SMOC2: variants seen among roughly 807,000 people sequenced by gnomAD.
SMOC2 encodes SPARC-related modular calcium-binding protein 2.
In SMOC2, 39 loss-of-function variants were observed where a neutral mutation model predicts 61.4. The ratio of observed to expected loss-of-function variants is 0.64; its 90% CI spans 0.49 to 0.83. The LOEUF (loss-of-function observed/expected upper bound fraction) is 0.83. Among genes scored for constraint, SMOC2 ranks in the 40% least tolerant of loss-of-function variants. The pLI, the probability that SMOC2 is intolerant of heterozygous loss-of-function variation, is 0.00. For synonymous variants in SMOC2, 247 were observed against 239.9 expected (o/e 1.03, Z -0.27); for missense variants, 556 against 592.9 (o/e 0.94, Z 0.65).
chr6:168,496,192 C>T (rs1327920277), intron 1 of SMOC2, among the ~76,000 whole-genome samples: 4 of 152,124 alleles, frequency 2.6e-5, no homozygotes, highest in African/African-American at 4.8e-5. Flanking sequence ...GGAAGCTTTT[C>T]GGTACTCATC....
At chr6:168,537,693 C>T (rs945859618) in intron 4 of SMOC2, among the ~76,000 whole-genome samples, 3 of 152,088 alleles carry the variant, frequency 2.0e-5, no homozygotes, top group East Asian at 1.9e-4. Flanking sequence ...GCCCTGGGGC[C>T]GAGAGACATA....
intron 1 of SMOC2, among the ~76,000 whole-genome samples, chr6:168,473,147 C>G (rs1326051683): frequency 6.6e-6 from 1 of 152,188 alleles, no homozygotes; most frequent in Non-Finnish European, 1.5e-5. Flanking sequence ...TGCCCCAGGG[C>G]AGAATTCCAG....
intron 1 of SMOC2, among the ~76,000 whole-genome samples, chr6:168,498,081 C>T (rs1164856679): frequency 6.6e-6 from 1 of 152,210 alleles, no homozygotes; most frequent in African/African-American, 2.4e-5. Context: ...GGAGCTGCCT[C>T]TCGGACATAT....
At position 168,490,094 on chromosome 6, in the gene SMOC2, G is replaced by A. The variant is rs185860982; in HGVS notation, c.85-19821G>A. 7.0e-3 allele frequency among the ~76,000 whole-genome samples: 1,042 copies of A among 149,076 alleles called. 20 individuals carry two copies. The highest frequency in any genetic ancestry group is 0.024 in the African/African-American group (982 of 40,120). On this transcript the variant is annotated intron_variant, in intron 1 of 12. Transcript: ENST00000356284. ...GTTTTAGAATGAAATATATCAAATC[G>A]TCTGGGTCCCCTTGGATCACAGTTT...
intron 9 of SMOC2, among the ~76,000 whole-genome samples, chr6:168,636,854 C>CCCTCCTCCCGCCTT (rs1312130203): frequency 5.8e-5 from 7 of 121,408 alleles, no homozygotes; most frequent in Non-Finnish European, 1.0e-4. Flanking sequence ...CCTCCTGCCT[C>CCCTCCTCCCGCCTT]CCTCCTCCCG....
intron 9 of SMOC2, among the ~76,000 whole-genome samples, chr6:168,634,500 C>T (rs1454119232): frequency 1.3e-5 from 2 of 152,160 alleles, no homozygotes; most frequent in African/African-American, 2.4e-5. Context: ...ATGCCCAATT[C>T]GAGTCTGAAA....
chr6:168,637,941 C>G (rs1276578469), intron 9 of SMOC2, among the ~76,000 whole-genome samples: 1 of 152,124 alleles, frequency 6.6e-6, no homozygotes. Flanking sequence ...TGAGCTGGAG[C>G]TGGATGCTGA....
At chr6:168,628,156 C>T (rs6913379) in intron 9 of SMOC2, among the ~76,000 whole-genome samples, 3 of 152,370 alleles carry the variant, frequency 2.0e-5, no homozygotes, top group African/African-American at 7.2e-5. Context: ...TCTGGGGTTG[C>T]ACTTCTTTGT....
intron 7 of SMOC2, among the ~76,000 whole-genome samples, chr6:168,568,456 A>G (rs1027785189): frequency 6.6e-6 from 1 of 152,254 alleles, no homozygotes; most frequent in Non-Finnish European, 1.5e-5. Context: ...CTGAACAAAT[A>G]TTGATACATT....
intron 9 of SMOC2, among the ~76,000 whole-genome samples, chr6:168,630,205 C>T (rs1786530386): frequency 6.6e-6 from 1 of 152,200 alleles, no homozygotes; most frequent in African/African-American, 2.4e-5. Flanking sequence ...ATTTGATTCC[C>T]TAAACTCAAC....
In SMOC2 at chr6:168,578,658, A is replaced by G. The variant is rs560945071; in HGVS notation, c.638-20160A>G. Among the ~76,000 whole-genome samples the G allele has an allele frequency of 3.3e-5, 5 of 152,334 alleles. No individual in the cohort carries two copies. The East Asian group carries it at 5.8e-4, about 18-fold the overall frequency. ...TTCCGAGAAGAGAGAAGAATTCTAC[A>G]CACGGGTTGAGTTATATCTTGGGAT... is the stretch of plus-strand genomic sequence containing the variant. On this transcript the variant is annotated intron_variant, in intron 7 of 12. Transcript: ENST00000356284.
chr6:168,612,866 G>T (rs924600075), intron 9 of SMOC2, among the ~76,000 whole-genome samples: 1 of 152,214 alleles, frequency 6.6e-6, no homozygotes, highest in Non-Finnish European at 1.5e-5. Flanking sequence ...CAGGTTCAGG[G>T]CAGGAGCATC....
At chr6:168,574,868 C>T (rs1281918661) in intron 7 of SMOC2, among the ~76,000 whole-genome samples, 1 of 152,162 alleles carries the variant, frequency 6.6e-6, no homozygotes, top group Non-Finnish European at 1.5e-5. Context: ...GGGCCGGCCA[C>T]CGCCCTTTGC....
chr6:168,639,549 A>T (rs1473124855), intron 9 of SMOC2, among the ~76,000 whole-genome samples: 1 of 152,128 alleles, frequency 6.6e-6, no homozygotes, highest in East Asian at 1.9e-4. Flanking sequence ...ATATACAGTA[A>T]ATTATTTTTA....
chr6:168,596,980 T>C (rs1246652272), intron 7 of SMOC2, among the ~76,000 whole-genome samples: 1 of 152,362 alleles, frequency 6.6e-6, no homozygotes, highest in Middle Eastern at 3.4e-3. Context: ...ATTTGAATGA[T>C]CCATGAGTTC....
intron 9 of SMOC2, among the ~76,000 whole-genome samples, chr6:168,610,973 C>T (rs1005605793): frequency 8.5e-5 from 13 of 152,204 alleles, no homozygotes; most frequent in African/African-American, 3.1e-4. Context: ...TAAACCAGCC[C>T]TTCCTAAACC....
intron 7 of SMOC2, among the ~76,000 whole-genome samples, chr6:168,591,220 C>G (rs57442430): frequency 6.6e-6 from 1 of 152,008 alleles, no homozygotes; most frequent in Non-Finnish European, 1.5e-5. Flanking sequence ...AATTACTTTT[C>G]GGGAGTGTGT....
At chr6:168,499,813 C>T (rs1331978467) in intron 1 of SMOC2, among the ~76,000 whole-genome samples, 1 of 152,200 alleles carries the variant, frequency 6.6e-6, no homozygotes, top group East Asian at 1.9e-4. Flanking sequence ...TGGGGTCCCA[C>T]GCTGACCAGC....
At chr6:168,650,860 C>A in intron 10 of SMOC2, 77 bp downstream of exon 10, 1 of 1,323,656 alleles carries the variant, frequency 7.6e-7, no homozygotes, top group Non-Finnish European at 1.0e-6. Context: ...CTGAACATTA[C>A]ATATTGGCAA....
Sources: gnomAD v4.1 joint callset for allele counts (sites outside exome capture counted in the v4.1 genomes callset) on GRCh38, gnomAD v4.1.1 for gene constraint, MANE v1.5 for transcripts, NCBI Gene and HGNC (gene_info 2026-07-23, HGNC 2026-07-21) for gene names.